The following CDKL5 variants were observed in gnomAD, a reference collection of about 807,000 sequenced individuals.
The protein encoded by CDKL5 is cyclin dependent kinase like 5, also known as cyclin-dependent kinase-like 5.
A neutral mutation model predicts 61.7 loss-of-function variants in CDKL5; 8 were observed. That is an observed-to-expected ratio of 0.13 (90% CI 0.08 to 0.23). CDKL5 has a LOEUF of 0.23. CDKL5 is among the 10% of genes least tolerant of loss of function. The pLI, the probability that CDKL5 is intolerant of heterozygous loss-of-function variation, is 1.00. For synonymous variants in CDKL5, 275 were observed against 272.3 expected (o/e 1.01, Z -0.10); for missense variants, 440 against 734.5 (o/e 0.60, Z 4.63).
At chrX:18,555,138 C>CT (rs1225090060) in intron 3 of CDKL5, among the ~76,000 whole-genome samples, 1 of 110,734 alleles carries the variant, frequency 9.0e-6, no homozygotes, top group Non-Finnish European at 1.9e-5. Context: ...GGGGCTAGGA[C>CT]TGTTGTAGGG....
chrX:18,542,747 G>A (rs772641369), intron 3 of CDKL5, among the ~76,000 whole-genome samples: 1 of 108,458 alleles, frequency 9.2e-6, no homozygotes, highest in African/African-American at 3.4e-5. Context: ...TAGCCACCCA[G>A]TTGAGGTATA....
chrX:18,431,327 A>G (rs924997749), intron 1 of CDKL5, among the ~76,000 whole-genome samples: 5 of 112,113 alleles, frequency 4.5e-5, no homozygotes, highest in Non-Finnish European at 9.4e-5. Context: ...GTGCTGATGA[A>G]TACTGTAGAG....
chrX:18,442,557 G>T (rs1014482991), intron 1 of CDKL5: 1 of 110,998 alleles, frequency 9.0e-6, no homozygotes, highest in African/African-American at 3.3e-5. Flanking sequence ...GCTGTGGCGC[G>T]ATCTCGGCTC....
intron 3 of CDKL5, among the ~76,000 whole-genome samples, chrX:18,560,591 G>T (rs1043867534): frequency 3.6e-5 from 4 of 111,864 alleles, no homozygotes; most frequent in African/African-American, 1.3e-4. Flanking sequence ...TGATGCAATT[G>T]TGAACTTTGC....
At chrX:18,524,115 T>G (rs1569201816) in intron 3 of CDKL5, among the ~76,000 whole-genome samples, 1 of 112,212 alleles carries the variant, frequency 8.9e-6, no homozygotes, top group Non-Finnish European at 1.9e-5. Context: ...CTTCCAGTGC[T>G]TTGTTGAATA....
chrX:18,544,728 A>G (rs1260635963), intron 3 of CDKL5, among the ~76,000 whole-genome samples: 1 of 112,579 alleles, frequency 8.9e-6, no homozygotes, highest in Non-Finnish European at 1.9e-5. Context: ...GCTTCTAAAA[A>G]GTGTCACACA....
chrX:18,481,735 C>G (rs758621497), intron 1 of CDKL5, among the ~76,000 whole-genome samples: 1 of 109,759 alleles, frequency 9.1e-6, no homozygotes, highest in African/African-American at 3.3e-5. Flanking sequence ...ATGAATCTTT[C>G]ATTTTGGTTA....
chrX:18,432,047 T>C (rs1282909683), intron 1 of CDKL5, among the ~76,000 whole-genome samples: 1 of 108,571 alleles, frequency 9.2e-6, no homozygotes, highest in Non-Finnish European at 1.9e-5. Context: ...TAGCTGGAAC[T>C]ACAGGCACAT....
At chrX:18,607,847 A>G (rs1200581371) in intron 12 of CDKL5, among the ~76,000 whole-genome samples, 2 of 112,124 alleles carry the variant, frequency 1.8e-5, no homozygotes, top group Non-Finnish European at 3.8e-5. Context: ...ATTTTCATAA[A>G]ATAGAAAGAA....
At chrX:18,466,633 C>G (rs777294713) in intron 1 of CDKL5, among the ~76,000 whole-genome samples, 3 of 111,340 alleles carry the variant, frequency 2.7e-5, no homozygotes, top group Non-Finnish European at 5.7e-5. Flanking sequence ...GCCTCAGCCT[C>G]CCGAGTAGCT....
rs1602229351 is a variant in CDKL5 at position 18,504,789 on chromosome X, C to T, written c.-162-2146C>T. ...TACTAAAAAAAATACAAAAATTAGC[C>T]GGGCATGGTGGCGCGTGCCTGTAGT... On this transcript the variant is annotated intron_variant, in intron 1 of 17. Coordinates refer to ENST00000623535, the MANE Select transcript of CDKL5 (RefSeq NM_001323289.2). Among the ~76,000 whole-genome samples, 2 of 109,989 alleles carry T rather than the reference C, an allele frequency of 1.8e-5. 1 individual carries two copies.
intron 3 of CDKL5, among the ~76,000 whole-genome samples, chrX:18,544,693 G>C (rs927905174): frequency 5.4e-5 from 6 of 111,793 alleles, no homozygotes; most frequent in African/African-American, 2.0e-4. Context: ...AATTAAGATT[G>C]ATGTATCTAA....
chrX:18,604,585 C>T lies in CDKL5; in HGVS notation c.1661C>T (p.Thr554Met), dbSNP rs1241585738. Residue 554 changes from threonine to methionine, a missense_variant, in exon 12 of 18, where the codon ACG becomes ATG. Thr to Met is a moderately conservative substitution (Grantham distance 81). This residue lies in a region of CDKL5 where 363 missense variants were observed against 516.3 expected (regional missense o/e 0.70). Coordinates refer to ENST00000623535, the MANE Select transcript of CDKL5 (RefSeq NM_001323289.2). ...GGAAGAAATAACCGAAATGAGGGAACGCTGGACTCACGTCGAACCACAACC... is the reference window on the plus strand; with the variant it reads ...GGAAGAAATAACCGAAATGAGGGAATGCTGGACTCACGTCGAACCACAACC... ...PSGRNNRNEG[T>M]LDSRRTTTRH... is the part of the protein sequence containing the mutation. 2.5e-6 allele frequency: 3 copies of T among 1,210,220 alleles called. No homozygotes were observed. Among genetic ancestry groups the T allele is most frequent in the African/African-American group, 1.7e-5 (1 of 57,246 alleles).
intron 1 of CDKL5, among the ~76,000 whole-genome samples, chrX:18,494,446 T>C (rs1295451458): frequency 9.1e-6 from 1 of 110,304 alleles, no homozygotes; most frequent in Admixed American, 9.6e-5. Flanking sequence ...TTAGTAGAGA[T>C]GGGGTTTTTG....
At chrX:18,438,311 G>A (rs1470001504) in intron 1 of CDKL5, among the ~76,000 whole-genome samples, 1 of 109,202 alleles carries the variant, frequency 9.2e-6, no homozygotes, top group Non-Finnish European at 1.9e-5. Flanking sequence ...TGATCTGCCT[G>A]CCTTGGCCTC....
At chrX:18,651,785 C>G (rs756151995) in intron 21 of CDKL5, among the ~76,000 whole-genome samples, 1 of 112,195 alleles carries the variant, frequency 8.9e-6, no homozygotes, top group Non-Finnish European at 1.9e-5. Context: ...ATTTCCCACA[C>G]TGTGTGTGTC....
intron 1 of CDKL5, among the ~76,000 whole-genome samples, chrX:18,440,107 T>C (rs1931704346): frequency 9.0e-6 from 1 of 110,973 alleles, no homozygotes. Context: ...GCAATGAAGT[T>C]TGCCATATCT....
At chrX:18,648,170 C>T (rs983837430) in intron 20 of CDKL5, among the ~76,000 whole-genome samples, 1 of 111,210 alleles carries the variant, frequency 9.0e-6, no homozygotes, top group African/African-American at 3.3e-5. Context: ...CCTGCAGTGG[C>T]AGGCACAGTG....
At chrX:18,522,807 T>C (rs1240623683) in intron 3 of CDKL5, among the ~76,000 whole-genome samples, 2 of 104,297 alleles carry the variant, frequency 1.9e-5, no homozygotes, top group Non-Finnish European at 4.0e-5. Context: ...TTTTTTTTTT[T>C]TTTTTGGAGA....
Sources: gnomAD v4.1 joint callset for allele counts (sites outside exome capture counted in the v4.1 genomes callset) on GRCh38, gnomAD v4.1.1 for gene constraint, gnomAD v4.1.1 regional missense constraint, MANE v1.5 for transcripts, NCBI Gene and HGNC (gene_info 2026-07-23, HGNC 2026-07-21) for gene names.